The following GPR176 variants were observed in gnomAD, a reference collection of about 807,000 sequenced individuals.
GPR176 encodes the protein G-protein coupled receptor 176.
Under a neutral mutation model 35.4 loss-of-function variants are expected in GPR176, and 26 were observed. The ratio of observed to expected loss-of-function variants is 0.74; its 90% CI spans 0.54 to 1.02. GPR176 has a LOEUF of 1.02. Ranked by LOEUF, GPR176 falls within the 50% of genes least tolerant of loss-of-function variation. The probability of loss-of-function intolerance (pLI) is 0.00; values close to 1 mark genes in which losing one functional copy is unlikely to be tolerated. For missense variants in GPR176, 597 were observed against 665.3 expected, an observed-to-expected ratio of 0.90 and a Z score of 1.13; for synonymous variants, 278 against 271.3, an observed-to-expected ratio of 1.02 and a Z score of -0.24.
intron 1 of GPR176, among the ~76,000 whole-genome samples, chr15:39,883,330 T>C (rs2032551554): frequency 6.6e-6 from 1 of 152,196 alleles, no homozygotes; most frequent in Non-Finnish European, 1.5e-5. Context: ...AATTATACTA[T>C]CTTTCACTGA....
intron 1 of GPR176, among the ~76,000 whole-genome samples, chr15:39,843,505 C>A (rs2030180518): frequency 6.6e-6 from 1 of 152,082 alleles, no homozygotes; most frequent in Non-Finnish European, 1.5e-5. Context: ...CAGCTACTCC[C>A]AGAATTGCAT....
In GPR176 at chr15:39,801,747, G is replaced by A; in HGVS notation, c.933C>T (p.Val311=). The change falls in exon 3 of 3, where the codon GTC becomes GTT. Residue 311 remains valine, a synonymous_variant. Transcript: ENST00000561100. ...LLLTAVWLPK[V]SLLANPVLFL... The stretch of plus-strand genomic sequence containing the variant: ...AGAGAACAGGGTTTGCCAGCAGGGA[G>A]ACTTTGGGCAGCCAAACAGCAGTGA... 2 of 1,613,938 alleles carry A rather than the reference G, an allele frequency of 1.2e-6. No individual in the cohort carries two copies. The highest frequency in any genetic ancestry group is 1.7e-6 in the Non-Finnish European group (2 of 1,179,890).
chr15:39,815,005 T>C (rs1341547292), intron 1 of GPR176: 4 of 152,236 alleles, frequency 2.6e-5, no homozygotes, highest in Non-Finnish European at 4.4e-5. Context: ...AGGGCTAAAT[T>C]AGTCAATACA....
chr15:39,865,384 A>C (rs2031784702), intron 1 of GPR176, among the ~76,000 whole-genome samples: 1 of 152,216 alleles, frequency 6.6e-6, no homozygotes, highest in Non-Finnish European at 1.5e-5. Context: ...ATACAATGAA[A>C]TCATGTCTTC....
At chr15:39,866,644 T>C (rs2031841630) in intron 1 of GPR176, among the ~76,000 whole-genome samples, 1 of 152,186 alleles carries the variant, frequency 6.6e-6, no homozygotes, top group Non-Finnish European at 1.5e-5. Flanking sequence ...GAGAAAAATA[T>C]ATGTATAAAA....
At chr15:39,918,282 G>A (rs2033779384) in intron 1 of GPR176, among the ~76,000 whole-genome samples, 1 of 152,142 alleles carries the variant, frequency 6.6e-6, no homozygotes, top group Non-Finnish European at 1.5e-5. Context: ...TTTACGATTT[G>A]CTATGTCTTT....
intron 1 of GPR176, among the ~76,000 whole-genome samples, chr15:39,834,133 G>A (rs1566945098): frequency 6.6e-6 from 1 of 152,138 alleles, no homozygotes; most frequent in African/African-American, 2.4e-5. Flanking sequence ...GAGCAAGCTT[G>A]TTGTAGTCCC....
intron 1 of GPR176, among the ~76,000 whole-genome samples, chr15:39,811,802 G>A (rs1899578642): frequency 6.6e-6 from 1 of 152,012 alleles, no homozygotes; most frequent in East Asian, 1.9e-4. Flanking sequence ...TGTAGTCCCA[G>A]CTACTCAGCA....
intron 1 of GPR176, among the ~76,000 whole-genome samples, chr15:39,840,413 A>G (rs1234062388): frequency 6.6e-6 from 1 of 152,170 alleles, no homozygotes; most frequent in Non-Finnish European, 1.5e-5. Flanking sequence ...GTTCTCACTC[A>G]TAGGCGGGAA....
At chr15:39,909,832 A>C (rs992770071) in intron 1 of GPR176, 3 of 753,414 alleles carry the variant, frequency 4.0e-6, no homozygotes, top group Non-Finnish European at 4.9e-6. Context: ...CCAACATAAT[A>C]ACTGTAAATT....
intron 1 of GPR176, among the ~76,000 whole-genome samples, chr15:39,865,057 T>A (rs1322958638): frequency 1.3e-5 from 2 of 151,972 alleles, no homozygotes; most frequent in Non-Finnish European, 2.9e-5. Context: ...ATAACAAATG[T>A]TGGCAAGGAC....
In GPR176 at chr15:39,807,203, G is replaced by T; in HGVS notation, c.228C>A (p.Thr76=). The T allele has an allele frequency of 6.2e-7, 1 of 1,612,920 alleles. No individual in the cohort carries two copies. Among genetic ancestry groups the T allele is most frequent in the Non-Finnish European group, 8.5e-7 (1 of 1,179,340 alleles). The change falls in exon 2 of 3, where the codon ACC becomes ACA. Residue 76 remains threonine, a synonymous_variant. Coordinates refer to ENST00000561100, the MANE Select transcript of GPR176 (RefSeq NM_007223.3). ...AGGCCAGGTTTTTAATGAACCTGTT[G>T]GTGACAGATTTGAACACGGTTGTGC... is the stretch of plus-strand genomic sequence containing the variant. ...TCRTTVFKSV[T]NRFIKNLACS...
At chr15:39,897,922 ATTAGC>A (rs2033167343) in intron 1 of GPR176, among the ~76,000 whole-genome samples, 1 of 151,968 alleles carries the variant, frequency 6.6e-6, no homozygotes. Context: ...AGAAAACCCA[ATTAGC>A]TTAGTGATGT....
rs770495377 is a variant in GPR176 at position 39,801,483 on chromosome 15, G to C, written c.1197C>G (p.Asp399Glu). ...TGCTAAATATCTCCTTGGCCTGGAA[G>C]TCAGCTGAGCCAATGTACTTGGCCT... ...ESEAKYIGSA[D>E]FQAKEIFSTC... The change falls in exon 3 of 3, where the codon GAC (aspartate) becomes GAG (glutamate). Residue 399 changes from aspartate (D) to glutamate (E), a missense_variant. Around this residue, in one of 3 missense-constraint regions of GPR176, gnomAD observed 251 missense variants for 255.4 expected, o/e 0.98. Coordinates refer to ENST00000561100, the MANE Select transcript of GPR176 (RefSeq NM_007223.3). The C allele has an allele frequency of 6.2e-7, 1 of 1,614,154 alleles. No individual in the cohort carries two copies. Among genetic ancestry groups the C allele is most frequent in the African/African-American group, 1.3e-5 (1 of 75,052 alleles).
chr15:39,872,544 T>A (rs1359553059), intron 1 of GPR176, among the ~76,000 whole-genome samples: 1 of 152,160 alleles, frequency 6.6e-6, no homozygotes, highest in Non-Finnish European at 1.5e-5. Context: ...TGCTAGTGTG[T>A]GTGTATTAGA....
chr15:39,858,820 C>T (rs1048241393), intron 1 of GPR176, among the ~76,000 whole-genome samples: 20 of 152,022 alleles, frequency 1.3e-4, no homozygotes, highest in Non-Finnish European at 2.6e-4. Flanking sequence ...GATCTTGGCT[C>T]ACTGCAGCCT....
intron 1 of GPR176, among the ~76,000 whole-genome samples, chr15:39,848,900 C>A (rs1303655840): frequency 2.4e-5 from 3 of 122,714 alleles, no homozygotes; most frequent in South Asian, 2.5e-4. Context: ...ACTCAAAAAC[C>A]TAAAAAAAGC....
At chr15:39,825,121 C>T (rs1900545359) in intron 1 of GPR176, among the ~76,000 whole-genome samples, 1 of 152,148 alleles carries the variant, frequency 6.6e-6, no homozygotes, top group Non-Finnish European at 1.5e-5. Context: ...ATACGAGGAT[C>T]ACTTGAGACC....
chr15:39,825,410 A>T (rs1566942136), intron 1 of GPR176, among the ~76,000 whole-genome samples: 1 of 152,118 alleles, frequency 6.6e-6, no homozygotes, highest in Non-Finnish European at 1.5e-5. Flanking sequence ...TATATATATA[A>T]TGTGAATATA....
Sources: gnomAD v4.1 joint callset for allele counts (sites outside exome capture counted in the v4.1 genomes callset) on GRCh38, gnomAD v4.1.1 for gene constraint, gnomAD v4.1.1 regional missense constraint, MANE v1.5 for transcripts, NCBI Gene and HGNC (gene_info 2026-07-23, HGNC 2026-07-21) for gene names.